Variants in BBX observed in about 807,000 individuals in gnomAD.
BBX encodes HMG box transcription factor BBX.
A neutral mutation model predicts 100.2 loss-of-function variants in BBX; 30 were observed. The ratio of observed to expected loss-of-function variants is 0.30; its 90% confidence interval spans 0.22 to 0.41. The LOEUF (loss-of-function observed/expected upper bound fraction) is 0.41, where lower values mean the gene tolerates loss of function less well. Among genes scored for constraint, BBX ranks in the 10% least tolerant of loss-of-function variants. The probability of loss-of-function intolerance (pLI) is 1.00; values close to 1 mark genes in which losing one functional copy is unlikely to be tolerated. For synonymous variants in BBX, 376 were observed against 388.1 expected (o/e 0.97, Z 0.37); for missense variants, 1,023 against 1,129.8 (o/e 0.91, Z 1.35).
At chr3:107,789,736 T>G in intron 13 of BBX, 51 bp from the exon 14 acceptor site, 3 of 1,267,900 alleles carry the variant, frequency 2.4e-6, no homozygotes, top group Non-Finnish European at 3.2e-6. Flanking sequence ...CACAATATTT[T>G]TTATGAAACA....
At chr3:107,650,391 C>G (rs1438498754) in intron 3 of BBX, among the ~76,000 whole-genome samples, 1 of 152,088 alleles carries the variant, frequency 6.6e-6, no homozygotes, top group Non-Finnish European at 1.5e-5. Flanking sequence ...AACCATCCCC[C>G]CCACCTCCCC....
chr3:107,784,696 A>G (rs980398604), intron 13 of BBX, among the ~76,000 whole-genome samples: 2 of 151,908 alleles, frequency 1.3e-5, no homozygotes, highest in Non-Finnish European at 2.9e-5. Context: ...CTAAATGCCT[A>G]TATTAAGAAA....
At chr3:107,745,290 T>G (rs1348334326) in intron 8 of BBX, among the ~76,000 whole-genome samples, 2 of 152,106 alleles carry the variant, frequency 1.3e-5, no homozygotes, top group African/African-American at 4.8e-5. Flanking sequence ...ATATCTTAAT[T>G]TACTCTGGAA....
At chr3:107,568,365 C>T (rs1418244735) in intron 2 of BBX, among the ~76,000 whole-genome samples, 1 of 150,980 alleles carries the variant, frequency 6.6e-6, no homozygotes, top group Non-Finnish European at 1.5e-5. Flanking sequence ...CCCAGATTCA[C>T]GCCATTCTCC....
At chr3:107,578,547 A>G (rs912765444) in intron 2 of BBX, among the ~76,000 whole-genome samples, 6 of 152,230 alleles carry the variant, frequency 3.9e-5, no homozygotes, top group Admixed American at 2.6e-4. Flanking sequence ...TATTTGAAAA[A>G]TAGTAGCATC....
intron 3 of BBX, among the ~76,000 whole-genome samples, chr3:107,694,888 A>C (rs916628871): frequency 1.3e-5 from 2 of 151,824 alleles, no homozygotes; most frequent in African/African-American, 4.9e-5. Context: ...TTATTGGTCT[A>C]TTCAGAGATT....
At chr3:107,613,815 A>G (rs187958935) in intron 2 of BBX, among the ~76,000 whole-genome samples, 5 of 152,130 alleles carry the variant, frequency 3.3e-5, no homozygotes, top group South Asian at 4.1e-4. Context: ...TACACGGCAC[A>G]TTGCAACAGT....
At chr3:107,570,820 C>T (rs968073197) in intron 2 of BBX, among the ~76,000 whole-genome samples, 2 of 152,010 alleles carry the variant, frequency 1.3e-5, no homozygotes, top group East Asian at 3.9e-4. Flanking sequence ...AAGGAACAGA[C>T]AGGAGAGAAA....
At chr3:107,659,823 C>A in intron 3 of BBX, 1 of 1,109,288 alleles carries the variant, frequency 9.0e-7, no homozygotes, top group Non-Finnish European at 1.2e-6. Context: ...ACTAGAAATG[C>A]TGTTCTAGAA....
At chr3:107,571,132 T>C (rs1279447486) in intron 2 of BBX, among the ~76,000 whole-genome samples, 1 of 151,916 alleles carries the variant, frequency 6.6e-6, no homozygotes, top group Non-Finnish European at 1.5e-5. Flanking sequence ...GAAGGGGGAA[T>C]GGAGGGTGGA....
At chr3:107,599,074 T>C (rs979398998) in intron 2 of BBX, among the ~76,000 whole-genome samples, 1 of 152,118 alleles carries the variant, frequency 6.6e-6, no homozygotes, top group Non-Finnish European at 1.5e-5. Context: ...ATCATTTCCC[T>C]GCAACTGGGC....
chr3:107,541,253 C>A (rs960247655), intron 2 of BBX, among the ~76,000 whole-genome samples: 3 of 152,128 alleles, frequency 2.0e-5, no homozygotes, highest in African/African-American at 7.2e-5. Context: ...TCCCCTGCGA[C>A]CAGCACTCAT....
In BBX at chr3:107,772,993, T is replaced by G. The variant is rs894108927; in HGVS notation, c.1272T>G (p.Ser424Arg). ...SSKIIISDVP[S>R]RKDHMCHPHG... is the part of the protein sequence containing the mutation. ...AGATAATAATTAGTGATGTTCCCAG[T>G]AGAAAGGATCATATGTGCCATCCTC... is the stretch of plus-strand genomic sequence containing the variant. Residue 424 changes from serine (S) to arginine (R), a missense_variant, in exon 11 of 18, where the codon AGT becomes AGG. Physicochemically the swap from Ser to Arg is moderately radical, Grantham distance 110. Coordinates refer to ENST00000325805, the MANE Select transcript of BBX (RefSeq NM_001142568.3). 3 of 1,613,884 alleles carry G rather than the reference T, an allele frequency of 1.9e-6. No individual in the cohort carries two copies. The highest frequency in any genetic ancestry group is 2.5e-6 in the Non-Finnish European group (3 of 1,179,990).
chr3:107,678,339 A>G (rs554639958), intron 3 of BBX, among the ~76,000 whole-genome samples: 18 of 152,230 alleles, frequency 1.2e-4, no homozygotes, highest in South Asian at 6.2e-4. Context: ...GCATAGGTCA[A>G]CCTAGCACAA....
At position 107,710,538 on chromosome 3, in the gene BBX, T is replaced by A; in HGVS notation, c.78T>A (p.Leu26=). The change falls in exon 4 of 18, where the codon CTT becomes CTA. Residue 26 remains leucine, a synonymous_variant. Transcript: ENST00000325805. ...GAAAACGACCAAAACGAAAGTGTCT[T>A]CAGTGGCATCCATTGCTAGCAAAGA... is the stretch of plus-strand genomic sequence containing the variant. ...GVGKRPKRKC[L]QWHPLLAKKL... 6.2e-7 allele frequency: 1 copy of A among 1,613,904 alleles called. No individual in the cohort carries two copies. The highest frequency in any genetic ancestry group is 1.1e-5 in the South Asian group (1 of 91,050).
At chr3:107,726,497 T>C (rs2062947749) in intron 5 of BBX, among the ~76,000 whole-genome samples, 1 of 152,078 alleles carries the variant, frequency 6.6e-6, no homozygotes, top group African/African-American at 2.4e-5. Flanking sequence ...GTTTTGAACA[T>C]CTACATTGAG....
intron 2 of BBX, among the ~76,000 whole-genome samples, chr3:107,584,126 ATAT>A (rs1307102820): frequency 3.5e-4 from 7 of 20,202 alleles, no homozygotes; most frequent in East Asian, 1.2e-3. Flanking sequence ...TATAATATAT[ATAT>A]TATTATATAT....
chr3:107,625,924 G>A (rs564377483), intron 2 of BBX, among the ~76,000 whole-genome samples: 1 of 151,856 alleles, frequency 6.6e-6, no homozygotes, highest in Non-Finnish European at 1.5e-5. Context: ...TTTTTCATGG[G>A]GTACATAGTG....
intron 3 of BBX, among the ~76,000 whole-genome samples, chr3:107,706,125 C>T (rs751205764): frequency 2.7e-5 from 4 of 150,096 alleles, no homozygotes; most frequent in Non-Finnish European, 4.4e-5. Flanking sequence ...TGGGTTCAAG[C>T]GATTCTCCTG....
Sources: gnomAD v4.1 joint callset for allele counts (sites outside exome capture counted in the v4.1 genomes callset) on GRCh38, gnomAD v4.1.1 for gene constraint, MANE v1.5 for transcripts, NCBI Gene and HGNC (gene_info 2026-07-23, HGNC 2026-07-21) for gene names.